Variants in SMAD6 observed in about 807,000 individuals in gnomAD.
SMAD6 encodes the protein SMAD family member 6.
In SMAD6, 103 loss-of-function variants were observed where a neutral mutation model predicts 39.4. That is an observed-to-expected ratio of 2.62 (90% confidence interval 2.23 to 3.08). SMAD6 has a LOEUF of 3.08. Among genes scored for constraint, SMAD6 ranks in the 30% most tolerant of loss-of-function variants. The pLI is 0.00. For synonymous variants in SMAD6, 445 were observed against 353.3 expected (o/e 1.26, Z -2.91); for missense variants, 1,104 against 742.9 (o/e 1.49, Z -5.65).
chr15:66,726,124 C>A (rs182172015), intron 3 of SMAD6, among the ~76,000 whole-genome samples: 1 of 152,260 alleles, frequency 6.6e-6, no homozygotes, highest in African/African-American at 2.4e-5. Flanking sequence ...CTCCCAGGCC[C>A]CTTCTCTGCA....
chr15:66,746,466 G>A (rs978288882), intron 3 of SMAD6, among the ~76,000 whole-genome samples: 1 of 152,082 alleles, frequency 6.6e-6, no homozygotes, highest in Non-Finnish European at 1.5e-5. Context: ...TGTTCCCCCT[G>A]CTGACACAGA....
intron 3 of SMAD6, among the ~76,000 whole-genome samples, chr15:66,778,216 G>T (rs1400663060): frequency 6.6e-6 from 1 of 152,012 alleles, no homozygotes; most frequent in Non-Finnish European, 1.5e-5. Flanking sequence ...AAGTAGCTGG[G>T]ACTACAGATG....
intron 3 of SMAD6, among the ~76,000 whole-genome samples, chr15:66,774,292 A>G (rs1894428376): frequency 6.6e-6 from 1 of 152,162 alleles, no homozygotes; most frequent in South Asian, 2.1e-4. Context: ...AAGAAGCGAA[A>G]AGGCTTTTCT....
intron 3 of SMAD6, among the ~76,000 whole-genome samples, chr15:66,744,224 G>A (rs745885805): frequency 3.3e-5 from 5 of 152,156 alleles, no homozygotes; most frequent in African/African-American, 4.8e-5. Context: ...AACAAAAACC[G>A]CGGCTCTGGG....
chr15:66,762,224 G>A (rs1270703128), intron 3 of SMAD6, among the ~76,000 whole-genome samples: 1 of 152,196 alleles, frequency 6.6e-6, no homozygotes, highest in Non-Finnish European at 1.5e-5. Context: ...GGACTCCCCC[G>A]TTATTTTCTC....
intron 3 of SMAD6, among the ~76,000 whole-genome samples, chr15:66,770,629 G>T (rs28675169): frequency 6.6e-6 from 1 of 152,122 alleles, no homozygotes; most frequent in African/African-American, 2.4e-5. Context: ...AAACAAAAGA[G>T]GACTTGGAAT....
rs1894593992 is a variant in SMAD6, at chr15:66,782,368, C to T, written c.*833C>T. The T allele has an allele frequency of 6.5e-6, 1 of 153,740 alleles. No individual in the cohort carries two copies. The highest frequency in any genetic ancestry group is 2.4e-5 in the African/African-American group (1 of 41,536). The allele number at this position is 153,740 out of a possible 1,614,324, so 9.5% of individuals were successfully genotyped here. On this transcript the variant is annotated 3_prime_UTR_variant, in exon 4 of 4. Coordinates refer to ENST00000288840, the MANE Select transcript of SMAD6 (RefSeq NM_005585.5). The stretch of plus-strand genomic sequence containing the variant: ...AGCTAAAAGAAGACACTATTTCTCA[C>T]CATTTTGTGGAAATGGCCTGGGGAA...
chr15:66,762,487 C>G (rs906339894), intron 3 of SMAD6, among the ~76,000 whole-genome samples: 1 of 152,142 alleles, frequency 6.6e-6, no homozygotes, highest in African/African-American at 2.4e-5. Context: ...CTGGGTGGAG[C>G]TCCCTGTGTT....
chr15:66,774,173 C>T (rs967114113), intron 3 of SMAD6, among the ~76,000 whole-genome samples: 6 of 152,246 alleles, frequency 3.9e-5, no homozygotes, highest in Admixed American at 2.6e-4. Flanking sequence ...AGCGGGGAGC[C>T]GGAGGAAAGC....
intron 3 of SMAD6, chr15:66,717,052 G>A (rs1270379519): frequency 6.2e-6 from 8 of 1,289,372 alleles, no homozygotes; most frequent in Non-Finnish European, 8.1e-6. Flanking sequence ...GTGGTTTGGA[G>A]TCCTCTGTCC....
At chr15:66,717,837 C>A (rs139186895) in intron 3 of SMAD6, among the ~76,000 whole-genome samples, 1 of 152,122 alleles carries the variant, frequency 6.6e-6, no homozygotes, top group Non-Finnish European at 1.5e-5. Context: ...TTGGTGGCTC[C>A]CTTCGTTAGG....
Position 66,703,669 on chromosome 15 carries a change from G to T in SMAD6, c.411G>T (p.Ala137=). The T allele has an allele frequency of 1.6e-6, 2 of 1,230,154 alleles. No individual in the cohort carries two copies. Among genetic ancestry groups the T allele is most frequent in the Non-Finnish European group, 1.0e-6 (1 of 985,600 alleles). 76.2% of individuals were successfully genotyped at this position (1,230,154 alleles called of 1,614,324 possible). The change falls in exon 1 of 4, where the codon GCG becomes GCT. Residue 137 remains alanine (A), a synonymous_variant. Transcript: ENST00000288840. ...CLFSERDAAG[A]PRDASDPLAG... ...TTTCGGAGCGGGACGCCGCCGGCGC[G>T]CCCCGGGACGCCAGCGACCCCCTGG...
chr15:66,756,553 C>CA (rs1234362206), intron 3 of SMAD6, among the ~76,000 whole-genome samples: 1 of 152,364 alleles, frequency 6.6e-6, no homozygotes, highest in South Asian at 2.1e-4. Context: ...GCCATGCCAA[C>CA]AGTGGTGTTT....
Position 66,703,539 on chromosome 15 carries a change from C to T in SMAD6, c.281C>T (p.Ser94Leu), listed in dbSNP as rs1018149523. The T allele has an allele frequency of 6.5e-6, 8 of 1,221,514 alleles. No homozygotes were observed. In the African/African-American group the frequency reaches 9.5e-5, roughly 14 times the overall value. 75.7% of individuals were successfully genotyped at this position (1,221,514 alleles called of 1,614,324 possible). Residue 94 changes from serine to leucine, a missense_variant, in exon 1 of 4, where the codon TCG (serine) becomes TTG (leucine). Physicochemically the swap from Ser to Leu is moderately radical, Grantham distance 145. Transcript: ENST00000288840. ...RRAGGPPRPM[S>L]EPGAGAGSSL... ...GCAGGGGGCCCCCCGAGGCCCATGT[C>T]GGAGCCAGGGGCCGGCGCTGGGAGC...
intron 3 of SMAD6, among the ~76,000 whole-genome samples, chr15:66,718,824 G>C (rs982481337): frequency 6.6e-6 from 1 of 152,218 alleles, no homozygotes; most frequent in African/African-American, 2.4e-5. Context: ...GGGGGTGACA[G>C]GTCTTGGTGG....
intron 1 of SMAD6, chr15:66,704,980 T>A (rs1893079821): frequency 6.6e-6 from 1 of 152,326 alleles, no homozygotes; most frequent in Admixed American, 6.5e-5. Flanking sequence ...TGCTCTGACC[T>A]CTGTCTTGTG....
chr15:66,712,991 A>G (rs1893260944), intron 2 of SMAD6, among the ~76,000 whole-genome samples: 2 of 152,192 alleles, frequency 1.3e-5, no homozygotes, highest in African/African-American at 4.8e-5. Flanking sequence ...TGGGGGACAG[A>G]ACAAGACCCC....
Position 66,766,694 on chromosome 15 carries a change from C to T in SMAD6, c.953-14303C>T, listed in dbSNP as rs190065837. Among the ~76,000 whole-genome samples the T allele has an allele frequency of 1.0e-3, 153 of 152,234 alleles. 3 individuals carry two copies. The Middle Eastern group carries it at 0.02, about 20-fold the overall frequency. The stretch of plus-strand genomic sequence containing the variant: ...ACCCCAGCAAGGCTTCTGTGTGATT[C>T]AGGAAAGGCACCCCCTCCTCTCACC... On this transcript the variant is annotated intron_variant, in intron 3 of 3. Transcript: ENST00000288840.
chr15:66,746,328 C>T (rs1467192182), intron 3 of SMAD6, among the ~76,000 whole-genome samples: 1 of 152,194 alleles, frequency 6.6e-6, no homozygotes, highest in Non-Finnish European at 1.5e-5. Flanking sequence ...CTCTCCTCCT[C>T]CCTCCTGTGG....
Sources: gnomAD v4.1 joint callset for allele counts (sites outside exome capture counted in the v4.1 genomes callset) on GRCh38, gnomAD v4.1.1 for gene constraint, MANE v1.5 for transcripts, NCBI Gene and HGNC (gene_info 2026-07-23, HGNC 2026-07-21) for gene names.